Variants in CCNI observed in about 807,000 individuals in gnomAD.
The protein encoded by CCNI is cyclin-I.
In CCNI, 14 loss-of-function variants were observed where a neutral mutation model predicts 34.1. The observed-to-expected ratio is 0.41, with a 90% CI of 0.27 to 0.64. The LOEUF (loss-of-function observed/expected upper bound fraction) is 0.64, where lower values mean the gene tolerates loss of function less well. Among genes scored for constraint, CCNI ranks in the 30% least tolerant of loss-of-function variants. The probability of loss-of-function intolerance (pLI) is 0.31; values close to 1 mark genes in which losing one functional copy is unlikely to be tolerated. For missense variants in CCNI, 385 were observed against 440.5 expected (o/e 0.87, Z 1.13); for synonymous variants, 154 against 158.4 (o/e 0.97, Z 0.21).
Position 77,075,502 on chromosome 4 carries a change from C to T in CCNI, c.-74G>A. 1 of 987,522 alleles carries T rather than the reference C, an allele frequency of 1.0e-6. No individual in the cohort carries two copies. Among genetic ancestry groups the T allele is most frequent in the Non-Finnish European group, 1.2e-6 (1 of 829,838 alleles). The allele number at this position is 987,522 out of a possible 1,614,324, so 61.2% of individuals were successfully genotyped here. ...CCTCCTCTTCCTCCTCCTCCTCCTC[C>T]CCGGCAGAGCTGTAGGCCTCACAGT... On this transcript the variant is annotated 5_prime_UTR_variant, in exon 1 of 7. Transcript: ENST00000237654.
At chr4:77,071,056 G>A (rs1729431170) in intron 1 of CCNI, among the ~76,000 whole-genome samples, 5 of 152,182 alleles carry the variant, frequency 3.3e-5, no homozygotes, top group Admixed American at 1.3e-4. Flanking sequence ...ACAACCGACT[G>A]TCACTAGTGA....
chr4:77,072,142 T>TA (rs1017591809), intron 1 of CCNI, among the ~76,000 whole-genome samples: 3 of 151,814 alleles, frequency 2.0e-5, no homozygotes, highest in African/African-American at 4.8e-5. Flanking sequence ...CCAGCAATAT[T>TA]AAAAAAAGGA....
At position 77,055,173 on chromosome 4, in the gene CCNI, T is replaced by A; in HGVS notation, c.667A>T (p.Ile223Phe). ...KLIPDWLSLT[I>F]ELLQKAQMDS... ...ACCTGTGCTTTCTGAAGCAGTTCAA[T>A]TGTAAGAGAAAGCCAATCAGGAATG... The change falls in exon 6 of 7, where the codon ATT becomes TTT. Residue 223 changes from isoleucine (I) to phenylalanine (F), a missense_variant. Transcript: ENST00000237654. The A allele has an allele frequency of 6.2e-7, 1 of 1,612,896 alleles. No individual in the cohort carries two copies. The highest frequency in any genetic ancestry group is 8.5e-7 in the Non-Finnish European group (1 of 1,178,828).
intron 1 of CCNI, among the ~76,000 whole-genome samples, chr4:77,069,405 C>T (rs1729289529): frequency 6.6e-6 from 1 of 151,858 alleles, no homozygotes; most frequent in South Asian, 2.1e-4. Context: ...AATCCCTATG[C>T]AGTCACATCT....
chr4:77,053,857 ATCATAATT>A, intron 6 of CCNI, among the ~76,000 whole-genome samples: 1 of 152,296 alleles, frequency 6.6e-6, no homozygotes, highest in Admixed American at 6.5e-5. Context: ...ATGGTGGTTT[ATCATAATT>A]TCTAAAAATT....
intron 1 of CCNI, among the ~76,000 whole-genome samples, chr4:77,067,726 T>TC (rs1729141336): frequency 1.6e-5 from 2 of 127,988 alleles, no homozygotes; most frequent in Admixed American, 1.7e-4. Flanking sequence ...CACGCAGTCC[T>TC]CCTGGCTTGG....
intron 1 of CCNI, among the ~76,000 whole-genome samples, chr4:77,067,772 C>T (rs1233027033): frequency 2.3e-5 from 3 of 130,316 alleles, no homozygotes; most frequent in Admixed American, 8.4e-5. Flanking sequence ...TGTGAGCCAC[C>T]GTGCAGGCTT....
intron 4 of CCNI, 60 bp from the exon 5 acceptor site, chr4:77,056,162 T>C (rs4252899): frequency 1.9e-4 from 308 of 1,602,246 alleles, no homozygotes; most frequent in Non-Finnish European, 2.6e-4. Context: ...AACTCATTTA[T>C]GATTTTTGTT....
At chr4:77,067,303 G>A (rs1729106325) in intron 1 of CCNI, among the ~76,000 whole-genome samples, 1 of 152,022 alleles carries the variant, frequency 6.6e-6, no homozygotes, top group Non-Finnish European at 1.5e-5. Context: ...AACCAGATGT[G>A]GCTAGTGGAT....
chr4:77,068,131 T>C (rs1305171269), intron 1 of CCNI, among the ~76,000 whole-genome samples: 1 of 151,958 alleles, frequency 6.6e-6, no homozygotes, highest in Non-Finnish European at 1.5e-5. Context: ...TGAGCCAAGA[T>C]TGCACCACTG....
At chr4:77,048,944 T>G (rs1192016508) in intron 6 of CCNI, among the ~76,000 whole-genome samples, 2 of 151,340 alleles carry the variant, frequency 1.3e-5, no homozygotes, top group Non-Finnish European at 2.9e-5. Flanking sequence ...AGAAACTACT[T>G]TTTTGTATCC....
intron 2 of CCNI, among the ~76,000 whole-genome samples, chr4:77,060,601 G>T (rs1038801868): frequency 4.6e-5 from 7 of 150,902 alleles, no homozygotes; most frequent in Non-Finnish European, 8.8e-5. Flanking sequence ...TAGGACCAGA[G>T]GTACGTGCCA....
chr4:77,070,856 G>C (rs1014314389), intron 1 of CCNI, among the ~76,000 whole-genome samples: 1 of 152,142 alleles, frequency 6.6e-6, no homozygotes, highest in African/African-American at 2.4e-5. Flanking sequence ...TTATATAAAA[G>C]AAATGGAATG....
chr4:77,074,184 T>G (rs1171823937), intron 1 of CCNI, among the ~76,000 whole-genome samples: 2 of 152,192 alleles, frequency 1.3e-5, no homozygotes, highest in African/African-American at 4.8e-5. Flanking sequence ...TCTAACCTAC[T>G]AGGATGTCAC....
At chr4:77,074,558 A>G (rs1218027081) in intron 1 of CCNI, among the ~76,000 whole-genome samples, 1 of 152,148 alleles carries the variant, frequency 6.6e-6, no homozygotes, top group Admixed American at 6.5e-5. Flanking sequence ...AATCTTGTGG[A>G]GTCTCAGTTT....
rs4252909 is a variant in CCNI at position 77,054,686 on chromosome 4, C to T, written c.690+464G>A. Among the ~76,000 whole-genome samples, 3 of 152,326 alleles carry T rather than the reference C, an allele frequency of 2.0e-5. No individual in the cohort carries two copies. In the East Asian group the frequency reaches 5.8e-4, roughly 29 times the overall value. ...GGAACTGCCAGGGAAAAACCTCTTT[C>T]AGAAAAGTGGCTTCTACCTGCCAGT... On this transcript the variant is annotated intron_variant, in intron 6 of 6. Coordinates refer to ENST00000237654, the MANE Select transcript of CCNI (RefSeq NM_006835.3).
At chr4:77,060,843 T>C (rs1226968734) in intron 2 of CCNI, among the ~76,000 whole-genome samples, 2 of 152,206 alleles carry the variant, frequency 1.3e-5, no homozygotes, top group East Asian at 3.8e-4. Context: ...CAGGCTGGTC[T>C]CAAATCCCTG....
chr4:77,056,451 T>C, intron 3 of CCNI, 128 bp from the exon 4 acceptor site: 1 of 656,510 alleles, frequency 1.5e-6, no homozygotes, highest in Non-Finnish European at 2.8e-6. Flanking sequence ...GGAATTCAAT[T>C]AATGTGACTG....
At chr4:77,061,953 G>A (rs1487655143) in intron 2 of CCNI, among the ~76,000 whole-genome samples, 1 of 152,166 alleles carries the variant, frequency 6.6e-6, no homozygotes, top group Non-Finnish European at 1.5e-5. Flanking sequence ...ACAGGTGCAA[G>A]CCACCATGCC....
Sources: gnomAD v4.1 joint callset for allele counts (sites outside exome capture counted in the v4.1 genomes callset) on GRCh38, gnomAD v4.1.1 for gene constraint, MANE v1.5 for transcripts, NCBI Gene and HGNC (gene_info 2026-07-23, HGNC 2026-07-21) for gene names.